The following SLC22A25 variants were observed in gnomAD, a reference collection of about 807,000 sequenced individuals.
SLC22A25 encodes the protein MGI:2442751, MGI:2385316, MGI:3042283, MGI:3645714, MGI:3605624, MGI:2442750.
Under a neutral mutation model 45.9 loss-of-function variants are expected in SLC22A25, and 44 were observed. The observed-to-expected ratio is 0.96, with a 90% CI of 0.75 to 1.23. SLC22A25 has a LOEUF of 1.23. Among genes scored for constraint, SLC22A25 ranks in the 50% most tolerant of loss-of-function variants. The probability of loss-of-function intolerance (pLI) is 0.00; values close to 1 mark genes in which losing one functional copy is unlikely to be tolerated. For missense variants in SLC22A25, 800 were observed against 666.4 expected (o/e 1.20, Z -2.21); for synonymous variants, 283 against 238.6 (o/e 1.19, Z -1.72).
At chr11:63,195,420 C>T (rs1243183855) in intron 7 of SLC22A25, among the ~76,000 whole-genome samples, 4 of 152,004 alleles carry the variant, frequency 2.6e-5, no homozygotes, top group Non-Finnish European at 5.9e-5. Context: ...GACCACAGTG[C>T]AATCAAATTA....
At chr11:63,216,473 A>G (rs2089713465) in intron 7 of SLC22A25, among the ~76,000 whole-genome samples, 1 of 152,216 alleles carries the variant, frequency 6.6e-6, no homozygotes, top group African/African-American at 2.4e-5. Context: ...GAATCAACCT[A>G]AATGCCCATC....
At chr11:63,174,632 C>T (rs983901547) in intron 9 of SLC22A25, among the ~76,000 whole-genome samples, 1 of 152,132 alleles carries the variant, frequency 6.6e-6, no homozygotes, top group Admixed American at 6.6e-5. Flanking sequence ...ACTCTCAAAA[C>T]ACCTATTTAC....
intron 3 of SLC22A25, among the ~76,000 whole-genome samples, chr11:63,232,586 C>G (rs1364102370): frequency 6.6e-6 from 1 of 152,090 alleles, no homozygotes; most frequent in East Asian, 1.9e-4. Flanking sequence ...CAAAGAGGGA[C>G]AATTTGACTT....
At chr11:63,173,187 G>A (rs1045646168) in intron 9 of SLC22A25, among the ~76,000 whole-genome samples, 10 of 151,120 alleles carry the variant, frequency 6.6e-5, no homozygotes, top group African/African-American at 2.4e-4. Flanking sequence ...ATGGACACAG[G>A]GAGGGAGACA....
chr11:63,184,831 T>C (rs1376163243), intron 7 of SLC22A25, among the ~76,000 whole-genome samples: 3 of 152,152 alleles, frequency 2.0e-5, no homozygotes, highest in Non-Finnish European at 4.4e-5. Context: ...GAAAGGATGG[T>C]CAGGAACATG....
At position 63,229,310 on chromosome 11, in the gene SLC22A25, G is replaced by A. The variant is rs779186790; in HGVS notation, c.343C>T (p.Pro115Ser). 6.2e-7 allele frequency: 1 copy of A among 1,606,684 alleles called. No individual in the cohort carries two copies. Among genetic ancestry groups the A allele is most frequent in the Non-Finnish European group, 8.5e-7 (1 of 1,175,878 alleles). Residue 115 changes from proline to serine, a missense_variant, in exon 4 of 12, where the codon CCC becomes TCC. Transcript: ENST00000306494. ...TCATATACCCAGCCATCCACACAGG[G>A]CTCTGTATCTGGCTCACTCGTGTTG... ...FPNTSEPDTE[P>S]CVDGWVYDQS...
At chr11:63,218,460 A>T (rs59608657) in intron 5 of SLC22A25, among the ~76,000 whole-genome samples, 2,625 of 152,292 alleles carry the variant, frequency 0.017, 54 homozygotes, top group African/African-American at 0.048. Flanking sequence ...CATGCAATAT[A>T]TTCATGTAAC....
chr11:63,203,999 A>G (rs1449371593), intron 7 of SLC22A25, among the ~76,000 whole-genome samples: 1 of 152,204 alleles, frequency 6.6e-6, no homozygotes, highest in Non-Finnish European at 1.5e-5. Context: ...GTGGGAGCCA[A>G]TAATCAACAC....
At chr11:63,208,293 G>A (rs2089463344) in intron 7 of SLC22A25, 1 of 152,458 alleles carries the variant, frequency 6.6e-6, no homozygotes, top group Non-Finnish European at 1.5e-5. Flanking sequence ...ATGGTAAGGA[G>A]CAAGGGCCCA....
chr11:63,228,483 G>C lies in SLC22A25; in HGVS notation c.484C>G (p.Leu162Val). ...CACCTGTCTGACAAATGGCCATATA[G>C]GTTGCCTCCCACCATCATTCCAGCC... The part of the protein sequence containing the change: ...FMAGMMVGGN[L>V]YGHLSDRFGR... Residue 162 changes from leucine (L) to valine (V), a missense_variant, in exon 5 of 12, where the codon CTA becomes GTA. Coordinates refer to ENST00000306494, the MANE Select transcript of SLC22A25 (RefSeq NM_199352.6). 1 of 1,613,468 alleles carries C rather than the reference G, an allele frequency of 6.2e-7. No homozygotes were observed. Among genetic ancestry groups the C allele is most frequent in the East Asian group, 2.2e-5 (1 of 44,860 alleles).
At chr11:63,234,820 T>C (rs2090135221) in intron 3 of SLC22A25, among the ~76,000 whole-genome samples, 1 of 152,238 alleles carries the variant, frequency 6.6e-6, no homozygotes, top group East Asian at 1.9e-4. Flanking sequence ...GGAGCTCTTT[T>C]AGGGCATGCC....
At chr11:63,234,542 A>G (rs1181906417) in intron 3 of SLC22A25, among the ~76,000 whole-genome samples, 2 of 152,148 alleles carry the variant, frequency 1.3e-5, no homozygotes, top group Non-Finnish European at 2.9e-5. Context: ...TCTGCAAGTG[A>G]CATGGGTTTC....
chr11:63,172,653 CTTTTT>C (rs141999401), intron 9 of SLC22A25, among the ~76,000 whole-genome samples: 16 of 140,550 alleles, frequency 1.1e-4, no homozygotes, highest in Non-Finnish European at 1.5e-4. Flanking sequence ...CACAGGATAC[CTTTTT>C]TTTTTTTTTT....
chr11:63,175,062 T>C (rs765456168), intron 9 of SLC22A25, among the ~76,000 whole-genome samples: 6 of 152,116 alleles, frequency 3.9e-5, no homozygotes, highest in Non-Finnish European at 7.4e-5. Flanking sequence ...TCTTGGCAAT[T>C]ATGAATAATG....
Position 63,199,366 on chromosome 11 carries a change from C to T in SLC22A25, c.831-15549G>A, listed in dbSNP as rs539808678. 4.8e-4 allele frequency among the ~76,000 whole-genome samples: 73 copies of T among 152,178 alleles called. 1 individual carries two copies. In the South Asian group the frequency reaches 0.015, roughly 31 times the overall value. ...AGACTGAACCAGGAAGAATTTGAAT[C>T]CCCGAACAGACCAATAACAAGCTCT... On this transcript the variant is annotated intron_variant, in intron 7 of 11. Coordinates refer to ENST00000306494, the MANE Select transcript of SLC22A25 (RefSeq NM_199352.6).
At chr11:63,241,894 T>C (rs529195730) in intron 1 of SLC22A25, among the ~76,000 whole-genome samples, 1 of 152,180 alleles carries the variant, frequency 6.6e-6, no homozygotes, top group Non-Finnish European at 1.5e-5. Context: ...TAAACTGAGA[T>C]TGTAGCCCAG....
intron 3 of SLC22A25, among the ~76,000 whole-genome samples, chr11:63,230,625 C>G (rs2090049214): frequency 6.6e-6 from 1 of 152,124 alleles, no homozygotes; most frequent in Non-Finnish European, 1.5e-5. Flanking sequence ...ATTTACCATA[C>G]AGTTCACCCT....
intron 10 of SLC22A25, 71 bp downstream of exon 10, chr11:63,165,973 G>A (rs1030109354): frequency 3.9e-6 from 6 of 1,544,712 alleles, no homozygotes; most frequent in South Asian, 2.3e-5. Flanking sequence ...CTTCAGATAG[G>A]TGTGACCAGG....
chr11:63,180,636 C>A, intron 9 of SLC22A25, 24 bp downstream of exon 9: 1 of 1,521,198 alleles, frequency 6.6e-7, no homozygotes, highest in Non-Finnish European at 9.0e-7. Context: ...TTTTAACATT[C>A]CTCACACACT....
Sources: gnomAD v4.1 joint callset for allele counts (sites outside exome capture counted in the v4.1 genomes callset) on GRCh38, gnomAD v4.1.1 for gene constraint, MANE v1.5 for transcripts, NCBI Gene and HGNC (gene_info 2026-07-23, HGNC 2026-07-21) for gene names.